The following MSR1 variants were observed in gnomAD, a reference collection of about 807,000 sequenced individuals.
MSR1 encodes the protein macrophage scavenger receptor types I and II.
MSR1 carries 53 observed loss-of-function variants against 47.2 expected under a neutral mutation model. That is an observed-to-expected ratio of 1.12 (90% CI 0.90 to 1.41). The LOEUF is 1.41. MSR1 is among the 40% of genes most tolerant of loss of function. MSR1 has a pLI of 0.00. For missense variants in MSR1, 786 were observed against 546.9 expected (o/e 1.44, Z -4.36); for synonymous variants, 239 against 185.6 (o/e 1.29, Z -2.34).
chr8:16,110,088 T>C lies in MSR1; in HGVS notation c.1353A>G (p.Leu451=). 6.2e-7 allele frequency: 1 copy of C among 1,613,604 alleles called. No individual in the cohort carries two copies. The highest frequency in any genetic ancestry group is 8.5e-7 in the Non-Finnish European group (1 of 1,179,668). ...TTGTGAATGAAAATATGATGCATTA[T>C]AAAGTGCAAGTGACTCCAGCATCTT... The part of the protein sequence containing the change: ...HSEDAGVTCT[L] Residue 451 remains leucine (L), a synonymous_variant, in exon 10 of 10, where the codon TTA becomes TTG. Coordinates refer to ENST00000262101, the MANE Select transcript of MSR1 (RefSeq NM_138715.3).
chr8:16,144,207 A>G (rs1329794910), intron 7 of MSR1, among the ~76,000 whole-genome samples: 1 of 152,072 alleles, frequency 6.6e-6, no homozygotes, highest in East Asian at 1.9e-4. Flanking sequence ...CAGGGCTTCA[A>G]ATGGATGCAG....
At chr8:16,172,452 T>A (rs1205058379) in intron 3 of MSR1, among the ~76,000 whole-genome samples, 9 of 152,272 alleles carry the variant, frequency 5.9e-5, no homozygotes, top group African/African-American at 2.2e-4. Context: ...CCAGGATTTA[T>A]ATTTTCAAAA....
At chr8:16,125,052 G>A (rs769806533) in intron 8 of MSR1, among the ~76,000 whole-genome samples, 1 of 152,102 alleles carries the variant, frequency 6.6e-6, no homozygotes. Flanking sequence ...AAACCCATAT[G>A]GCTGGCTACT....
At chr8:16,179,856 A>G (rs1219321482) in intron 1 of MSR1, among the ~76,000 whole-genome samples, 1 of 148,360 alleles carries the variant, frequency 6.7e-6, no homozygotes, top group African/African-American at 2.5e-5. Flanking sequence ...TAGCCCGGGC[A>G]AGAAGAGTGA....
rs80023501 is a variant in MSR1 at position 16,187,940 on chromosome 8, G to C, written c.-5+4658C>G. Among the ~76,000 whole-genome samples the C allele has an allele frequency of 5.8e-3, 889 of 152,186 alleles. 25 individuals are homozygous for C. In the East Asian group the frequency reaches 0.098, roughly 17 times the overall value. On this transcript the variant is annotated intron_variant, in intron 1 of 9. Coordinates refer to ENST00000262101, the MANE Select transcript of MSR1 (RefSeq NM_138715.3). Reference sequence around the variant, plus strand: ...AATCATTGTAATTTTTTAGTAACGTGAACATACATACTTGCATGAGCCTTC... The same window carrying C: ...AATCATTGTAATTTTTTAGTAACGTCAACATACATACTTGCATGAGCCTTC...
chr8:16,154,007 TA>T (rs1800931246), intron 6 of MSR1, among the ~76,000 whole-genome samples: 3 of 151,924 alleles, frequency 2.0e-5, no homozygotes, highest in African/African-American at 7.2e-5. Flanking sequence ...TTTATATATA[TA>T]AAACATGTGT....
At chr8:16,189,294 TACA>T (rs1802097737) in intron 1 of MSR1, among the ~76,000 whole-genome samples, 1 of 133,690 alleles carries the variant, frequency 7.5e-6, no homozygotes, top group African/African-American at 2.8e-5. Flanking sequence ...AAATCTTATT[TACA>T]TTTCATATAT....
rs866116143 is a variant in MSR1, at chr8:16,168,597, G to A, written c.491C>T (p.Ser164Phe). 1 of 1,614,160 alleles carries A rather than the reference G, an allele frequency of 6.2e-7. No individual in the cohort carries two copies. The part of the protein sequence containing the change: ...DILLQLSTLF[S>F]SVQGHGNAID... ...TGCATTCCCATGTCCCTGGACTGAGGAAAACAAGGTACTTAGCTGCAGAAG... is the reference window on the plus strand; with the variant it reads ...TGCATTCCCATGTCCCTGGACTGAGAAAAACAAGGTACTTAGCTGCAGAAG... Residue 164 changes from serine (S) to phenylalanine (F), a missense_variant, in exon 4 of 10, where the codon TCC (serine) becomes TTC (phenylalanine). Ser to Phe is a radical substitution (Grantham distance 155, BLOSUM62 -2). Transcript: ENST00000262101.
At chr8:16,137,661 C>T (rs769541827) in intron 8 of MSR1, among the ~76,000 whole-genome samples, 7 of 152,036 alleles carry the variant, frequency 4.6e-5, no homozygotes, top group Non-Finnish European at 7.4e-5. Flanking sequence ...TAGTCCTTCA[C>T]CCAAATGCTC....
chr8:16,139,876 T>TA (rs1163427065), intron 8 of MSR1: 37 of 424,962 alleles, frequency 8.7e-5, no homozygotes, highest in Non-Finnish European at 6.7e-5. Context: ...AATCAATTTT[T>TA]AAAAAATATT....
intron 9 of MSR1, among the ~76,000 whole-genome samples, chr8:16,114,508 C>A (rs926897089): frequency 6.6e-6 from 1 of 152,036 alleles, no homozygotes; most frequent in African/African-American, 2.4e-5. Context: ...TAAAACTCAT[C>A]CAAGTTTGCT....
At position 16,154,965 on chromosome 8, in the gene MSR1, G is replaced by A; in HGVS notation, c.898+99C>T. ...ACACACACACACATACACATCCTCT[G>A]CAGGATATAAATAAAATAGCAATCC... On this transcript the variant is annotated intron_variant, in intron 6 of 9. Coordinates refer to ENST00000262101, the MANE Select transcript of MSR1 (RefSeq NM_138715.3). The A allele has an allele frequency of 4.1e-6, 4 of 971,774 alleles. No individual in the cohort carries two copies. The South Asian group carries it at 5.4e-5, about 13-fold the overall frequency. The allele number at this position is 971,774 out of a possible 1,614,324, so 60.2% of individuals were successfully genotyped here.
intron 5 of MSR1, among the ~76,000 whole-genome samples, chr8:16,158,106 A>C (rs1801060260): frequency 6.6e-6 from 1 of 151,968 alleles, no homozygotes; most frequent in South Asian, 2.1e-4. Flanking sequence ...TTGCTGATAC[A>C]TGTCAAAAAA....
chr8:16,113,223 C>T (rs1055966787), intron 9 of MSR1, among the ~76,000 whole-genome samples: 2 of 151,986 alleles, frequency 1.3e-5, no homozygotes, highest in African/African-American at 4.8e-5. Context: ...GCTGCGATTA[C>T]AGGGGTGAGC....
chr8:16,137,042 TA>T (rs34175267), intron 8 of MSR1, among the ~76,000 whole-genome samples: 93 of 150,136 alleles, frequency 6.2e-4, no homozygotes, highest in African/African-American at 2.2e-3. Flanking sequence ...ATTATGGAGT[TA>T]AAAAAAAAGA....
At chr8:16,125,770 A>G (rs1449359617) in intron 8 of MSR1, among the ~76,000 whole-genome samples, 2 of 152,042 alleles carry the variant, frequency 1.3e-5, no homozygotes, top group African/African-American at 2.4e-5. Context: ...AAAAATTTTT[A>G]AAAGTTTTTC....
intron 1 of MSR1, among the ~76,000 whole-genome samples, chr8:16,178,213 A>T (rs1024899464): frequency 6.6e-6 from 1 of 151,536 alleles, no homozygotes; most frequent in Non-Finnish European, 1.5e-5. Context: ...CAAACTCGTC[A>T]TCTAACACTA....
In MSR1 at chr8:16,117,250, G is replaced by A. The variant is rs528503590; in HGVS notation, c.1222+3168C>T. ...TTAGATACTCATAGGAACACAAACC[G>A]TATTGTGAATTACACATGTGAGGGA... is the stretch of plus-strand genomic sequence containing the variant. On this transcript the variant is annotated intron_variant, in intron 9 of 9. Transcript: ENST00000262101. Among the ~76,000 whole-genome samples the A allele has an allele frequency of 1.4e-4, 22 of 152,202 alleles. No individual in the cohort carries two copies. The East Asian group carries it at 2.1e-3, about 15-fold the overall frequency.
intron 9 of MSR1, among the ~76,000 whole-genome samples, chr8:16,112,381 AAAG>A (rs546383553): frequency 6.8e-4 from 103 of 152,296 alleles, no homozygotes; most frequent in African/African-American, 2.3e-3. Context: ...TCAAATTTAC[AAAG>A]AATAGATCCA....
Sources: gnomAD v4.1 joint callset for allele counts (sites outside exome capture counted in the v4.1 genomes callset) on GRCh38, gnomAD v4.1.1 for gene constraint, MANE v1.5 for transcripts, NCBI Gene and HGNC (gene_info 2026-07-23, HGNC 2026-07-21) for gene names.